The following PDLIM1 variants were observed in gnomAD, a reference collection of about 807,000 sequenced individuals.
PDLIM1 encodes PDZ and LIM domain protein 1.
A neutral mutation model predicts 35.2 loss-of-function variants in PDLIM1; 25 were observed. That is an observed-to-expected ratio of 0.71 (90% CI 0.52 to 0.99). The LOEUF is 0.99. PDLIM1 is among the 50% of genes least tolerant of loss of function. The pLI is 0.00. For synonymous variants in PDLIM1, 152 were observed against 154.0 expected (o/e 0.99, Z 0.10); for missense variants, 363 against 415.3 (o/e 0.87, Z 1.09).
chr10:95,248,437 A>T (rs1225809121), intron 4 of PDLIM1, among the ~76,000 whole-genome samples: 2 of 152,148 alleles, frequency 1.3e-5, no homozygotes, highest in Admixed American at 6.5e-5. Flanking sequence ...TTGTAGAGAC[A>T]GAGTCTTGCT....
chr10:95,247,066 C>T (rs2035227662), intron 5 of PDLIM1, 149 bp downstream of exon 5: 5 of 667,516 alleles, frequency 7.5e-6, no homozygotes, highest in Admixed American at 2.6e-5. Flanking sequence ...TCTCTCTCTC[C>T]CTCTATCTCT....
At chr10:95,270,299 C>T (rs1383207984) in intron 2 of PDLIM1, among the ~76,000 whole-genome samples, 2 of 151,678 alleles carry the variant, frequency 1.3e-5, no homozygotes, top group Non-Finnish European at 2.9e-5. Flanking sequence ...ATATACTCCC[C>T]CACACTCGAT....
intron 1 of PDLIM1, among the ~76,000 whole-genome samples, chr10:95,287,075 G>A (rs2035609058): frequency 6.6e-6 from 1 of 152,158 alleles, no homozygotes; most frequent in Non-Finnish European, 1.5e-5. Context: ...CTGGTCAGAG[G>A]GTGATAATGT....
At chr10:95,257,876 G>A (rs909880653) in intron 4 of PDLIM1, among the ~76,000 whole-genome samples, 1 of 152,230 alleles carries the variant, frequency 6.6e-6, no homozygotes, top group Non-Finnish European at 1.5e-5. Flanking sequence ...ACAATAGCCA[G>A]GAGGTGCAAG....
chr10:95,265,543 C>T (rs924131948), intron 3 of PDLIM1, among the ~76,000 whole-genome samples: 2 of 135,776 alleles, frequency 1.5e-5, no homozygotes, highest in African/African-American at 2.8e-5. Context: ...TGCGGTGAGC[C>T]GAGATTGTAC....
At chr10:95,285,553 G>A (rs1161063380) in intron 1 of PDLIM1, among the ~76,000 whole-genome samples, 1 of 152,168 alleles carries the variant, frequency 6.6e-6, no homozygotes, top group Non-Finnish European at 1.5e-5. Flanking sequence ...GTGTCCCTCT[G>A]TCATGGGTTG....
At chr10:95,261,061 CAA>C (rs771402356) in intron 4 of PDLIM1, among the ~76,000 whole-genome samples, 3 of 152,122 alleles carry the variant, frequency 2.0e-5, no homozygotes, top group Non-Finnish European at 4.4e-5. Context: ...AGAAAATCTG[CAA>C]AGAGACAAAT....
At chr10:95,273,642 C>T (rs756527762) in intron 1 of PDLIM1, among the ~76,000 whole-genome samples, 1 of 152,088 alleles carries the variant, frequency 6.6e-6, no homozygotes, top group Non-Finnish European at 1.5e-5. Flanking sequence ...ATTTGTTTAC[C>T]AGAGATCTGG....
At position 95,254,560 on chromosome 10, in the gene PDLIM1, C is replaced by A. The variant is rs185683862; in HGVS notation, c.534-7194G>T. 1.5e-4 allele frequency among the ~76,000 whole-genome samples: 23 copies of A among 152,278 alleles called. No individual in the cohort carries two copies. In the East Asian group the frequency reaches 4.2e-3, roughly 28 times the overall value. Reference sequence around the variant, plus strand: ...ACAATTTTAGTTGAAGACTTCTATACCCCTCTCTTAACAACTGATAGATCA... The same window carrying A: ...ACAATTTTAGTTGAAGACTTCTATAACCCTCTCTTAACAACTGATAGATCA... On this transcript the variant is annotated intron_variant, in intron 4 of 6. Transcript: ENST00000329399.
chr10:95,283,945 G>A (rs1454408959), intron 1 of PDLIM1, among the ~76,000 whole-genome samples: 1 of 151,568 alleles, frequency 6.6e-6, no homozygotes, highest in Non-Finnish European at 1.5e-5. Context: ...GAATCACACA[G>A]TATTTACTCT....
chr10:95,264,054 G>A lies in PDLIM1; in HGVS notation c.343C>T (p.His115Tyr), dbSNP rs761468392. Residue 115 changes from histidine (H) to tyrosine (Y), a missense_variant, in exon 4 of 7, where the codon CAC becomes TAC. Transcript: ENST00000329399. ...CTTCGGTTGTGGGCGCTTCCTATGT[G>A]CAGGACCTCCTGCAGGCAGGGATCA... ...NLASEPQEVL[H>Y]IGSAHNRSAM... is the part of the protein sequence containing the mutation. 1 of 1,613,392 alleles carries A rather than the reference G, an allele frequency of 6.2e-7. No individual in the cohort carries two copies. Among genetic ancestry groups the A allele is most frequent in the Non-Finnish European group, 8.5e-7 (1 of 1,179,742 alleles).
At chr10:95,272,091 T>C (rs149874394) in intron 1 of PDLIM1, among the ~76,000 whole-genome samples, 1 of 152,238 alleles carries the variant, frequency 6.6e-6, no homozygotes, top group East Asian at 1.9e-4. Flanking sequence ...AGTATATTAT[T>C]ATATTACTGG....
rs1372377426 is a variant in PDLIM1, at chr10:95,290,192, AC to A, written c.96+627del. 1.5e-4 allele frequency among the ~76,000 whole-genome samples: 23 copies of A among 152,118 alleles called. No individual in the cohort carries two copies. Among genetic ancestry groups the A allele is most frequent in the Non-Finnish European group, 2.9e-4 (20 of 68,004 alleles). ...TAATCTGGGAATGCTAGGAAGAATG[AC>A]GGCGGGGCCACGTTCTGCAGAGGGG... On this transcript the variant is annotated intron_variant, in intron 1 of 6. Coordinates refer to ENST00000329399, the MANE Select transcript of PDLIM1 (RefSeq NM_020992.4). The surrounding 1 kb of genome is among the most constrained non-coding windows in gnomAD (Gnocchi z 4.7).
chr10:95,247,433 TC>T (rs1407372636), intron 4 of PDLIM1, 67 bp from the exon 5 acceptor site: 72 of 1,320,858 alleles, frequency 5.5e-5, no homozygotes, highest in Non-Finnish European at 7.2e-5. Context: ...ACCAGGAACC[TC>T]CTCCAGGCAG....
intron 4 of PDLIM1, chr10:95,247,694 A>G (rs1190592056): frequency 5.2e-6 from 1 of 191,326 alleles, no homozygotes; most frequent in East Asian, 1.3e-4. Context: ...GAGAAAATTT[A>G]GAGAAAAAAA....
chr10:95,261,046 T>C (rs2035358028), intron 4 of PDLIM1, among the ~76,000 whole-genome samples: 1 of 152,206 alleles, frequency 6.6e-6, no homozygotes, highest in Non-Finnish European at 1.5e-5. Context: ...GGACCCTCTC[T>C]GCTGAGAAAA....
At chr10:95,255,289 G>C (rs2035302816) in intron 4 of PDLIM1, among the ~76,000 whole-genome samples, 1 of 147,768 alleles carries the variant, frequency 6.8e-6, no homozygotes, top group Admixed American at 6.8e-5. Flanking sequence ...CATTCTATGA[G>C]GCCACTATTA....
chr10:95,260,122 C>T (rs1217050991), intron 4 of PDLIM1, among the ~76,000 whole-genome samples: 2 of 152,214 alleles, frequency 1.3e-5, no homozygotes, highest in Non-Finnish European at 2.9e-5. Context: ...TACCAGGGGC[C>T]AGGCACTGTG....
chr10:95,241,455 G>A (rs1157008376), intron 5 of PDLIM1, among the ~76,000 whole-genome samples: 2 of 152,108 alleles, frequency 1.3e-5, no homozygotes, highest in African/African-American at 4.8e-5. Flanking sequence ...TTCCCTACTG[G>A]GGGCAGTTTT....
Sources: gnomAD v4.1 joint callset for allele counts (sites outside exome capture counted in the v4.1 genomes callset) on GRCh38, gnomAD v4.1.1 for gene constraint, Gnocchi (gnomAD v3.1) non-coding constraint, MANE v1.5 for transcripts, NCBI Gene and HGNC (gene_info 2026-07-23, HGNC 2026-07-21) for gene names.